STARD9: variants seen among roughly 807,000 people sequenced by gnomAD.
STARD9 encodes the protein stAR-related lipid transfer protein 9.
Under a neutral mutation model 399.8 loss-of-function variants are expected in STARD9, and 346 were observed. The observed-to-expected ratio is 0.87, with a 90% CI of 0.79 to 0.95. The LOEUF is 0.95. Among genes scored for constraint, STARD9 ranks in the 40% least tolerant of loss-of-function variants. The pLI, the probability that STARD9 is intolerant of heterozygous loss-of-function variation, is 0.00. For missense variants in STARD9, 5,832 were observed against 5,667.5 expected (o/e 1.03, Z -0.93); for synonymous variants, 2,203 against 2,143.5 (o/e 1.03, Z -0.77).
chr15:42,605,134 GTT>G (rs938018664), intron 3 of STARD9, among the ~76,000 whole-genome samples: 10 of 152,102 alleles, frequency 6.6e-5, no homozygotes, highest in African/African-American at 2.4e-4. Context: ...TCTCTCCTGA[GTT>G]TTATTCTGGA....
In STARD9 at chr15:42,719,689, T is replaced by C. The variant is rs906034238; in HGVS notation, c.*115T>C. ...CAGTGCAGGAAAAGCTGATGCTACC[T>C]GCTGTGGCCGATTGGGGCAGACAGC... On this transcript the variant is annotated 3_prime_UTR_variant, in exon 33 of 33. Coordinates refer to ENST00000290607, the MANE Select transcript of STARD9 (RefSeq NM_020759.3). 31 of 702,812 alleles carry C rather than the reference T, an allele frequency of 4.4e-5. No homozygotes were observed. Among genetic ancestry groups the C allele is most frequent in the Admixed American group, 4.1e-4 (16 of 38,750 alleles). The allele number at this position is 702,812 out of a possible 1,614,324, so 43.5% of individuals were successfully genotyped here.
chr15:42,676,008 C>T (rs2060304381), intron 20 of STARD9, 33 bp downstream of exon 20: 2 of 993,498 alleles, frequency 2.0e-6, no homozygotes, highest in Non-Finnish European at 2.9e-6. Flanking sequence ...GATGTGGAAC[C>T]TACTGGGTTC....
chr15:42,680,858 G>A (rs2060413214), intron 20 of STARD9, among the ~76,000 whole-genome samples: 1 of 152,142 alleles, frequency 6.6e-6, no homozygotes, highest in South Asian at 2.1e-4. Flanking sequence ...CAGCTCTGGA[G>A]TGGAGACCAG....
rs1217883396 is a variant in STARD9 at position 42,686,325 on chromosome 15, G to A, written c.4747G>A (p.Glu1583Lys). Residue 1583 changes from glutamate to lysine, a missense_variant, in exon 23 of 33, where the codon GAG becomes AAG. Around this residue, in one of 2 missense-constraint regions of STARD9, gnomAD observed 5,828 missense variants for 5,651.1 expected, o/e 1.03. Coordinates refer to ENST00000290607, the MANE Select transcript of STARD9 (RefSeq NM_020759.3). Reference sequence around the variant, plus strand: ...AGATTTCTTTAGCACTAGTGAGAAAGAGGCGAGTTATGACGAAACTTATTC... The same window carrying A: ...AGATTTCTTTAGCACTAGTGAGAAAAAGGCGAGTTATGACGAAACTTATTC... ...VSDFFSTSEK[E>K]ASYDETYSAD... 6.5e-7 allele frequency: 1 copy of A among 1,537,402 alleles called. No homozygotes were observed. The highest frequency in any genetic ancestry group is 1.4e-5 in the African/African-American group (1 of 73,056).
In STARD9 at chr15:42,687,194, T is replaced by G; in HGVS notation, c.5616T>G (p.Val1872=). 1 of 1,537,410 alleles carries G rather than the reference T, an allele frequency of 6.5e-7. No homozygotes were observed. The highest frequency in any genetic ancestry group is 8.7e-7 in the Non-Finnish European group (1 of 1,146,966). ...AAGTATGTGAATTTGAAAACCAAGTTGTAATTTTAAATAAAAAACACAGTT... is the reference window on the plus strand; with the variant it reads ...AAGTATGTGAATTTGAAAACCAAGTGGTAATTTTAAATAAAAAACACAGTT... ...STKVCEFENQ[V]VILNKKHSFP... is the part of the protein sequence containing the mutation. The change falls in exon 23 of 33, where the codon GTT becomes GTG. Residue 1872 remains valine, a synonymous_variant. Transcript: ENST00000290607.
intron 3 of STARD9, among the ~76,000 whole-genome samples, chr15:42,594,063 G>A (rs1166094257): frequency 2.0e-5 from 3 of 152,002 alleles, no homozygotes; most frequent in Non-Finnish European, 4.4e-5. Context: ...GGAGCCCTGA[G>A]AGAGAGTGAG....
chr15:42,686,926 G>C lies in STARD9; in HGVS notation c.5348G>C (p.Gly1783Ala). 3 of 1,536,704 alleles carry C rather than the reference G, an allele frequency of 2.0e-6. No individual in the cohort carries two copies. The South Asian group carries it at 3.6e-5, about 18-fold the overall frequency. The change falls in exon 23 of 33, where the codon GGT (glycine) becomes GCT (alanine). Residue 1783 changes from glycine (G) to alanine (A), a missense_variant. Around this residue, in one of 2 missense-constraint regions of STARD9, gnomAD observed 5,828 missense variants for 5,651.1 expected, o/e 1.03. Transcript: ENST00000290607. Reference protein sequence around the residue: ...SPPPREAWGFGHNHQALQGAY... With the variant: ...SPPPREAWGFAHNHQALQGAY... The stretch of plus-strand genomic sequence containing the variant: ...CCCCCCAGGGAAGCCTGGGGCTTTG[G>C]TCACAACCACCAAGCTCTCCAAGGT...
chr15:42,682,482 C>G lies in STARD9; in HGVS notation c.2444C>G (p.Thr815Arg), dbSNP rs1039279231. 2 of 1,537,120 alleles carry G rather than the reference C, an allele frequency of 1.3e-6. No individual in the cohort carries two copies. The highest frequency in any genetic ancestry group is 3.9e-5 in the Admixed American group (2 of 50,988). ...PPYQVLSPDATVPRPPCRSKL... is the reference protein window; with the variant it reads ...PPYQVLSPDARVPRPPCRSKL... The stretch of plus-strand genomic sequence containing the variant: ...TACCAGGTCCTCAGCCCTGATGCCA[C>G]AGTCCCACGGCCTCCATGTAGAAGC... Residue 815 changes from threonine to arginine, a missense_variant, in exon 22 of 33, where the codon ACA becomes AGA. Thr to Arg is a moderately conservative substitution (Grantham distance 71). Transcript: ENST00000290607.
chr15:42,640,318 T>A (rs2059508670), intron 7 of STARD9, among the ~76,000 whole-genome samples: 1 of 152,208 alleles, frequency 6.6e-6, no homozygotes, highest in African/African-American at 2.4e-5. Context: ...GCAATAGGTA[T>A]GCTAGTGACT....
At chr15:42,694,474 T>C (rs2060795066) in intron 23 of STARD9, 54 bp from the exon 24 acceptor site, 1 of 1,529,360 alleles carries the variant, frequency 6.5e-7, no homozygotes, top group African/African-American at 1.4e-5. Context: ...CAGAGATAGA[T>C]CTTAAAGTGA....
intron 9 of STARD9, among the ~76,000 whole-genome samples, chr15:42,656,623 T>G (rs1399164517): frequency 6.6e-6 from 1 of 152,168 alleles, no homozygotes; most frequent in Non-Finnish European, 1.5e-5. Flanking sequence ...GGTGTATGTA[T>G]ACTGTGGAAT....
chr15:42,609,338 C>T (rs540625213), intron 3 of STARD9, among the ~76,000 whole-genome samples: 5 of 152,288 alleles, frequency 3.3e-5, no homozygotes, highest in Admixed American at 3.3e-4. Context: ...GTGGCTCAGT[C>T]AGTGTGTCAT....
intron 10 of STARD9, 89 bp from the exon 11 acceptor site, chr15:42,662,705 T>G (rs1317178072): frequency 1.2e-6 from 1 of 817,708 alleles, no homozygotes; most frequent in Non-Finnish European, 2.0e-6. Context: ...CAGCATGATA[T>G]ACAGAATAAC....
intron 3 of STARD9, among the ~76,000 whole-genome samples, chr15:42,603,981 C>T (rs960969449): frequency 1.3e-5 from 2 of 152,108 alleles, no homozygotes; most frequent in African/African-American, 4.8e-5. Flanking sequence ...AGTCTTGTGG[C>T]TAATGTGTTA....
At chr15:42,642,349 G>A (rs977955275) in intron 7 of STARD9, among the ~76,000 whole-genome samples, 2 of 152,176 alleles carry the variant, frequency 1.3e-5, no homozygotes, top group Admixed American at 6.5e-5. Flanking sequence ...TTTATTAGTC[G>A]AGAGATTAAG....
At chr15:42,708,221 C>T (rs971043164) in intron 26 of STARD9, among the ~76,000 whole-genome samples, 1 of 152,146 alleles carries the variant, frequency 6.6e-6, no homozygotes. Flanking sequence ...ATTGACAAGG[C>T]TTGGTGTTTC....
At chr15:42,606,813 G>T (rs914559134) in intron 3 of STARD9, among the ~76,000 whole-genome samples, 9 of 151,904 alleles carry the variant, frequency 5.9e-5, no homozygotes, top group African/African-American at 2.2e-4. Flanking sequence ...TACAGTCAGG[G>T]TGCTTTCTTC....
intron 3 of STARD9, among the ~76,000 whole-genome samples, chr15:42,599,160 G>C (rs141336135): frequency 3.7e-4 from 56 of 152,242 alleles, no homozygotes; most frequent in Non-Finnish European, 5.3e-4. Context: ...CTGACCTCAG[G>C]TGCTCCACCT....
chr15:42,686,098 A>G lies in STARD9; in HGVS notation c.4520A>G (p.Lys1507Arg), dbSNP rs1449645616. ...GTTTTGGAGGCCATAGGAGCACCCA[A>G]GCCAGCTTACCCCTACCTTGAGGAA... ...CPVLEAIGAP[K>R]PAYPYLEEDS... Residue 1507 changes from lysine to arginine, a missense_variant, in exon 23 of 33, where the codon AAG becomes AGG. This residue lies in a region of STARD9 where 5,828 missense variants were observed against 5,651.1 expected (regional missense o/e 1.03). Transcript: ENST00000290607. The G allele has an allele frequency of 6.5e-7, 1 of 1,537,234 alleles. No homozygotes were observed. The highest frequency in any genetic ancestry group is 2.4e-5 in the East Asian group (1 of 40,908).
Sources: allele counts gnomAD v4.1 joint callset (sites outside exome capture counted in the v4.1 genomes callset), GRCh38; gene constraint gnomAD v4.1.1; regional missense constraint gnomAD v4.1.1; transcripts MANE v1.5; gene names NCBI Gene and HGNC (gene_info 2026-07-23, HGNC 2026-07-21).